The following ARHGAP26 variants were observed in gnomAD, a reference collection of about 807,000 sequenced individuals.
ARHGAP26 encodes rho GTPase-activating protein 26.
Under a neutral mutation model 104.8 loss-of-function variants are expected in ARHGAP26, and 38 were observed. The observed-to-expected ratio is 0.36, with a 90% confidence interval of 0.28 to 0.48. The LOEUF (loss-of-function observed/expected upper bound fraction) is 0.48. Ranked by LOEUF, ARHGAP26 falls within the 20% of genes least tolerant of loss-of-function variation. The pLI is 0.99. For synonymous variants in ARHGAP26, 341 were observed against 340.0 expected (o/e 1.00, Z -0.03); for missense variants, 704 against 947.9 (o/e 0.74, Z 3.38).
chr5:143,197,327 C>T (rs1411804783), intron 20 of ARHGAP26, among the ~76,000 whole-genome samples: 12 of 152,278 alleles, frequency 7.9e-5, no homozygotes, highest in South Asian at 4.1e-4. Flanking sequence ...ATTTACACCC[C>T]TCCTGCAGCA....
chr5:142,857,631 A>C (rs1320092734), intron 1 of ARHGAP26, among the ~76,000 whole-genome samples: 4 of 149,168 alleles, frequency 2.7e-5, no homozygotes, highest in Non-Finnish European at 6.0e-5. Flanking sequence ...TAGCTAAAAT[A>C]ATTAATGACC....
chr5:143,210,404 G>A (rs1809265577), intron 21 of ARHGAP26, among the ~76,000 whole-genome samples: 1 of 152,170 alleles, frequency 6.6e-6, no homozygotes, highest in African/African-American at 2.4e-5. Flanking sequence ...ACACGGGAAT[G>A]ATGGGAGCTA....
At chr5:142,830,111 C>T (rs567371491) in intron 1 of ARHGAP26, among the ~76,000 whole-genome samples, 2 of 152,314 alleles carry the variant, frequency 1.3e-5, no homozygotes, top group East Asian at 3.9e-4. Context: ...GGCCAAGCCT[C>T]AGGAACATAG....
chr5:143,112,884 G>A (rs1422029906), intron 17 of ARHGAP26, among the ~76,000 whole-genome samples: 2 of 152,172 alleles, frequency 1.3e-5, no homozygotes, highest in African/African-American at 4.8e-5. Context: ...GGTTGCTTCT[G>A]CATTTTAACT....
At chr5:142,805,895 C>T (rs945102712) in intron 1 of ARHGAP26, among the ~76,000 whole-genome samples, 2 of 152,184 alleles carry the variant, frequency 1.3e-5, no homozygotes, top group African/African-American at 4.8e-5. Flanking sequence ...TGGCAATAGT[C>T]CTTAACCCGG....
chr5:142,894,437 G>A, intron 6 of ARHGAP26, 89 bp downstream of exon 6: 1 of 1,249,514 alleles, frequency 8.0e-7, no homozygotes, highest in African/African-American at 1.5e-5. Flanking sequence ...CTAAGTTGTT[G>A]ATGAAGAGGT....
chr5:142,809,231 C>T (rs1763611179), intron 1 of ARHGAP26, among the ~76,000 whole-genome samples: 1 of 152,042 alleles, frequency 6.6e-6, no homozygotes, highest in Non-Finnish European at 1.5e-5. Context: ...ATTTTTATTA[C>T]TCAAGTAATC....
intron 20 of ARHGAP26, among the ~76,000 whole-genome samples, chr5:143,197,236 A>G (rs143184548): frequency 5.0e-4 from 76 of 152,352 alleles, no homozygotes; most frequent in African/African-American, 1.6e-3. Context: ...TATGTCTAGC[A>G]ATGGAACTAC....
chr5:142,867,551 C>T (rs537287165), intron 1 of ARHGAP26, among the ~76,000 whole-genome samples: 54 of 152,254 alleles, frequency 3.5e-4, no homozygotes, highest in African/African-American at 1.2e-3. Flanking sequence ...AAGAAAAGAG[C>T]GATCTCTGGG....
chr5:143,007,995 A>G (rs1043090892), intron 11 of ARHGAP26, among the ~76,000 whole-genome samples: 1 of 152,166 alleles, frequency 6.6e-6, no homozygotes, highest in Admixed American at 6.5e-5. Context: ...CATTTATCCC[A>G]TAGGGGATAC....
chr5:142,832,092 C>T (rs1287762035), intron 1 of ARHGAP26, among the ~76,000 whole-genome samples: 1 of 152,198 alleles, frequency 6.6e-6, no homozygotes, highest in African/African-American at 2.4e-5. Flanking sequence ...TGTCAGTGGA[C>T]ACAAGGGATG....
intron 1 of ARHGAP26, chr5:142,772,801 C>T (rs746186659): frequency 3.2e-5 from 17 of 533,350 alleles, no homozygotes; most frequent in Non-Finnish European, 6.5e-5. Context: ...TTGCACCAAG[C>T]CCTAGAATTT....
intron 20 of ARHGAP26, chr5:143,168,552 C>T (rs1802360544): frequency 7.0e-6 from 1 of 143,148 alleles, no homozygotes; most frequent in African/African-American, 2.6e-5. Flanking sequence ...TCTGCATCAT[C>T]CTCTTTGCTT....
intron 20 of ARHGAP26, among the ~76,000 whole-genome samples, chr5:143,185,814 G>A (rs1805051053): frequency 6.6e-6 from 1 of 152,142 alleles, no homozygotes; most frequent in African/African-American, 2.4e-5. Flanking sequence ...TTGTCACAAG[G>A]CTGGCGAGCA....
intron 12 of ARHGAP26, among the ~76,000 whole-genome samples, chr5:143,020,136 T>A (rs1391931454): frequency 6.6e-6 from 1 of 152,192 alleles, no homozygotes; most frequent in East Asian, 1.9e-4. Context: ...TTCCTGTAGC[T>A]CTTCCTTCAG....
chr5:143,055,502 A>G (rs1785670997), intron 15 of ARHGAP26, among the ~76,000 whole-genome samples: 1 of 152,258 alleles, frequency 6.6e-6, no homozygotes, highest in Non-Finnish European at 1.5e-5. Flanking sequence ...ATGGTTAAAC[A>G]TACTCATACC....
intron 1 of ARHGAP26, among the ~76,000 whole-genome samples, chr5:142,778,443 C>T (rs1053941959): frequency 6.6e-6 from 1 of 152,000 alleles, no homozygotes; most frequent in East Asian, 1.9e-4. Flanking sequence ...CCTTTTTCTG[C>T]GTGTTTTTTT....
chr5:142,788,037 A>T (rs372127980), intron 1 of ARHGAP26, among the ~76,000 whole-genome samples: 1 of 144,514 alleles, frequency 6.9e-6, no homozygotes, highest in East Asian at 2.0e-4. Context: ...TCTATTGCCC[A>T]GGCTGGAGTA....
intron 6 of ARHGAP26, among the ~76,000 whole-genome samples, chr5:142,897,951 T>A (rs992073696): frequency 5.9e-5 from 9 of 152,210 alleles, no homozygotes; most frequent in Non-Finnish European, 1.3e-4. Flanking sequence ...GTATTCATAT[T>A]TGAGTTGGTT....
Sources: allele counts gnomAD v4.1 joint callset (sites outside exome capture counted in the v4.1 genomes callset), GRCh38; gene constraint gnomAD v4.1.1; transcripts MANE v1.5; gene names NCBI Gene and HGNC (gene_info 2026-07-23, HGNC 2026-07-21).